ANKS1B: variants seen among roughly 807,000 people sequenced by gnomAD.
ANKS1B encodes ankyrin repeat and sterile alpha motif domain-containing protein 1B.
ANKS1B carries 36 observed loss-of-function variants against 148.3 expected under a neutral mutation model. The observed-to-expected ratio is 0.24, with a 90% CI of 0.19 to 0.32. The LOEUF is 0.32. Ranked by LOEUF, ANKS1B falls within the 10% of genes least tolerant of loss-of-function variation. ANKS1B has a pLI of 1.00. For synonymous variants in ANKS1B, 542 were observed against 560.8 expected (o/e 0.97, Z 0.47); for missense variants, 1,157 against 1,542.6 (o/e 0.75, Z 4.19).
chr12:99,512,199 A>T (rs1183484810), intron 9 of ANKS1B, among the ~76,000 whole-genome samples: 1 of 152,060 alleles, frequency 6.6e-6, no homozygotes, highest in Non-Finnish European at 1.5e-5. Context: ...TCTATAAGGA[A>T]GTTAAATATA....
At chr12:98,951,501 C>T (rs933108919) in intron 17 of ANKS1B, among the ~76,000 whole-genome samples, 2 of 152,300 alleles carry the variant, frequency 1.3e-5, no homozygotes, top group South Asian at 2.1e-4. Flanking sequence ...CTTTGCTTGT[C>T]TGGGTCCTTT....
intron 10 of ANKS1B, among the ~76,000 whole-genome samples, chr12:99,473,157 T>C (rs1339547396): frequency 1.3e-5 from 2 of 152,064 alleles, no homozygotes; most frequent in Non-Finnish European, 2.9e-5. Context: ...TATTTATGTA[T>C]ATAGTCATTA....
At chr12:99,588,285 T>A (rs751777967) in intron 9 of ANKS1B, among the ~76,000 whole-genome samples, 2 of 152,196 alleles carry the variant, frequency 1.3e-5, no homozygotes, top group African/African-American at 4.8e-5. Context: ...CAAAGATTCA[T>A]CTGCATTCTA....
chr12:99,130,844 A>T, intron 15 of ANKS1B, among the ~76,000 whole-genome samples: 1 of 152,136 alleles, frequency 6.6e-6, no homozygotes, highest in East Asian at 1.9e-4. Context: ...TTGTGTCTTC[A>T]TGCCCCTTGG....
chr12:99,225,294 A>C (rs1320265449), intron 14 of ANKS1B, among the ~76,000 whole-genome samples: 5 of 152,096 alleles, frequency 3.3e-5, no homozygotes, highest in South Asian at 4.1e-4. Context: ...TATTGTTATC[A>C]ATATAATATT....
At chr12:99,437,215 G>A (rs929862978) in intron 11 of ANKS1B, among the ~76,000 whole-genome samples, 4 of 151,836 alleles carry the variant, frequency 2.6e-5, no homozygotes, top group African/African-American at 9.7e-5. Context: ...GTGTTGCAAG[G>A]GTGAACAAGT....
chr12:99,494,072 T>G (rs889203648), intron 10 of ANKS1B, among the ~76,000 whole-genome samples: 3 of 152,092 alleles, frequency 2.0e-5, no homozygotes, highest in Non-Finnish European at 1.5e-5. Context: ...CATAATAAGA[T>G]GAAAATCTAC....
intron 17 of ANKS1B, among the ~76,000 whole-genome samples, chr12:98,956,920 G>T (rs2153107283): frequency 6.6e-6 from 1 of 152,144 alleles, no homozygotes; most frequent in Non-Finnish European, 1.5e-5. Flanking sequence ...TCTCCTACCA[G>T]CTACTTAAAG....
chr12:99,343,311 T>C (rs1430138707), intron 12 of ANKS1B, among the ~76,000 whole-genome samples: 1 of 152,094 alleles, frequency 6.6e-6, no homozygotes, highest in Non-Finnish European at 1.5e-5. Context: ...TTCACAATTG[T>C]TTTTAAATAC....
intron 1 of ANKS1B, among the ~76,000 whole-genome samples, chr12:99,957,890 T>C (rs1401873972): frequency 6.6e-6 from 1 of 152,208 alleles, no homozygotes; most frequent in Admixed American, 6.5e-5. Flanking sequence ...CTGTATATGT[T>C]CTAGGCATAA....
At chr12:98,915,474 C>T (rs746883227) in intron 17 of ANKS1B, among the ~76,000 whole-genome samples, 2 of 152,168 alleles carry the variant, frequency 1.3e-5, no homozygotes, top group Non-Finnish European at 2.9e-5. Context: ...GCCTCAGTGC[C>T]CTGAGTAGCT....
chr12:99,199,102 A>T lies in ANKS1B; in HGVS notation c.2420-44707T>A, dbSNP rs58709328. On this transcript the variant is annotated intron_variant, in intron 14 of 26. Coordinates refer to ENST00000683438, the MANE Select transcript of ANKS1B (RefSeq NM_001352186.2). ...TTCAAAGCAGATTCCCCAGCCCCAG[A>T]CAAACTTTCAGATGACTGCATCCCT... Among the ~76,000 whole-genome samples the T allele has an allele frequency of 4.5e-3, 679 of 152,258 alleles. 25 individuals carry two copies. The East Asian group carries it at 0.088, about 20-fold the overall frequency.
At chr12:98,883,115 GTAAT>G (rs879295135) in intron 17 of ANKS1B, among the ~76,000 whole-genome samples, 10 of 152,248 alleles carry the variant, frequency 6.6e-5, no homozygotes, top group Admixed American at 1.3e-4. Flanking sequence ...ACTGTTCTGA[GTAAT>G]TAGTTCACTG....
At chr12:98,966,951 A>G (rs2099878601) in intron 17 of ANKS1B, among the ~76,000 whole-genome samples, 1 of 152,016 alleles carries the variant, frequency 6.6e-6, no homozygotes, top group East Asian at 1.9e-4. Flanking sequence ...TGACGAGTAA[A>G]TGGGTGTAGC....
At chr12:99,544,127 T>A (rs2097151986) in intron 9 of ANKS1B, among the ~76,000 whole-genome samples, 1 of 151,510 alleles carries the variant, frequency 6.6e-6, no homozygotes. Context: ...TAAAATTCTT[T>A]AAAAAAAAAC....
intron 4 of ANKS1B, among the ~76,000 whole-genome samples, 171 bp from the exon 5 acceptor site, chr12:99,782,268 G>A (rs1352899902): frequency 3.3e-5 from 5 of 152,150 alleles, no homozygotes; most frequent in African/African-American, 4.8e-5. Context: ...AAAATCCATC[G>A]GCTTGGGGAT....
intron 12 of ANKS1B, among the ~76,000 whole-genome samples, chr12:99,390,105 T>A (rs2094007081): frequency 6.6e-6 from 1 of 152,192 alleles, no homozygotes; most frequent in Non-Finnish European, 1.5e-5. Flanking sequence ...GTTGCCTAGA[T>A]CTTTAGTAAT....
At chr12:99,971,207 C>T (rs2095554015) in intron 1 of ANKS1B, among the ~76,000 whole-genome samples, 1 of 152,020 alleles carries the variant, frequency 6.6e-6, no homozygotes, top group Admixed American at 6.6e-5. Context: ...ATAGTTTAAC[C>T]ATTGTTTGTA....
At chr12:99,321,580 C>T (rs1198586529) in intron 12 of ANKS1B, among the ~76,000 whole-genome samples, 1 of 152,178 alleles carries the variant, frequency 6.6e-6, no homozygotes, top group Non-Finnish European at 1.5e-5. Flanking sequence ...TGGGAGTGTC[C>T]TGATTTTCCA....
Sources: gnomAD v4.1 joint callset for allele counts (sites outside exome capture counted in the v4.1 genomes callset) on GRCh38, gnomAD v4.1.1 for gene constraint, MANE v1.5 for transcripts, NCBI Gene and HGNC (gene_info 2026-07-23, HGNC 2026-07-21) for gene names.